TMEM114: variants seen among roughly 807,000 people sequenced by gnomAD.
TMEM114 encodes claudin-26.
TMEM114 carries 6 observed loss-of-function variants against 6.2 expected under a neutral mutation model. The observed-to-expected ratio is 0.97, with a 90% CI of 0.53 to 1.91. The LOEUF is 1.91. TMEM114 is among the 40% of genes most tolerant of loss of function. The pLI is 0.01. For missense variants in TMEM114, 218 were observed against 158.3 expected (o/e 1.38, Z -2.02); for synonymous variants, 104 against 73.0 (o/e 1.42, Z -2.16).
intron 2 of TMEM114, among the ~76,000 whole-genome samples, chr16:8,541,823 G>A (rs970705477): frequency 2.6e-5 from 4 of 152,176 alleles, no homozygotes; most frequent in Admixed American, 2.0e-4. Flanking sequence ...GAACTGGGAA[G>A]ATTCTAGAAT....
intron 2 of TMEM114, among the ~76,000 whole-genome samples, chr16:8,564,068 A>G (rs1178331126): frequency 6.7e-6 from 1 of 148,620 alleles, no homozygotes; most frequent in Non-Finnish European, 1.5e-5. Context: ...TAAATGAGTG[A>G]GTGAGTGCAT....
At chr16:8,553,813 C>T (rs1034030919) in intron 2 of TMEM114, among the ~76,000 whole-genome samples, 2 of 152,088 alleles carry the variant, frequency 1.3e-5, no homozygotes, top group Non-Finnish European at 2.9e-5. Context: ...TATCTTCCCA[C>T]CTCAGCCTCC....
At chr16:8,581,116 T>G (rs1176526115) in intron 2 of TMEM114, among the ~76,000 whole-genome samples, 1 of 152,168 alleles carries the variant, frequency 6.6e-6, no homozygotes, top group Non-Finnish European at 1.5e-5. Context: ...TCTTAAAATT[T>G]TGTTATATAC....
chr16:8,561,837 TGAG>T (rs1901216658), intron 2 of TMEM114, among the ~76,000 whole-genome samples: 1 of 149,424 alleles, frequency 6.7e-6, no homozygotes, highest in Non-Finnish European at 1.5e-5. Flanking sequence ...AGTGAGTGAA[TGAG>T]TGAGTGAATG....
chr16:8,528,687 T>C, the TMEM114 span, among the ~76,000 whole-genome samples: 3,069 of 152,266 alleles, frequency 0.02, 93 homozygotes, highest in African/African-American at 0.067. Context: ...TCAACATGAT[T>C]TACAAAATAA....
intron 2 of TMEM114, among the ~76,000 whole-genome samples, chr16:8,548,078 G>T (rs1442503554): frequency 6.6e-6 from 1 of 152,138 alleles, no homozygotes; most frequent in Non-Finnish European, 1.5e-5. Flanking sequence ...CACGCTCCTG[G>T]AACGGCTGCA....
chr16:8,587,282 A>G (rs1399833384), intron 2 of TMEM114, among the ~76,000 whole-genome samples: 3 of 152,198 alleles, frequency 2.0e-5, no homozygotes, highest in African/African-American at 7.2e-5. Flanking sequence ...TGCATTCACT[A>G]ACATGTTTGT....
chr16:8,565,033 A>ATGAGTGAGTGAATGAGTGAG (rs1191331275), downstream of TMEM114, among the ~76,000 whole-genome samples: 14 of 149,078 alleles, frequency 9.4e-5, no homozygotes, highest in African/African-American at 3.2e-4. Context: ...GAGTGAGTGA[A>ATGAGTGAGTGAATGAGTGAG]TGAGTGAGTG....
At chr16:8,553,449 T>C (rs982790564) in intron 2 of TMEM114, among the ~76,000 whole-genome samples, 2 of 152,046 alleles carry the variant, frequency 1.3e-5, no homozygotes, top group African/African-American at 4.8e-5. Flanking sequence ...CAGGCTGGAG[T>C]GCAGTGGCAC....
chr16:8,541,156 A>G (rs8047415), intron 2 of TMEM114, among the ~76,000 whole-genome samples: 2,020 of 152,298 alleles, frequency 0.013, 48 homozygotes, highest in African/African-American at 0.046. Context: ...ATTATATCAT[A>G]TCGTCTAAAC....
intron 2 of TMEM114, among the ~76,000 whole-genome samples, chr16:8,540,594 T>C (rs1317213925): frequency 1.5e-5 from 2 of 134,672 alleles, no homozygotes; most frequent in Non-Finnish European, 3.2e-5. Context: ...ACTTGGGAGT[T>C]GATAAGAACA....
intron 2 of TMEM114, among the ~76,000 whole-genome samples, chr16:8,552,607 G>C (rs572491407): frequency 1.3e-5 from 2 of 151,912 alleles, no homozygotes; most frequent in East Asian, 1.9e-4. Context: ...CAGTTATGTA[G>C]GATGTCACCA....
chr16:8,539,545 C>T (rs113833204), intron 2 of TMEM114, among the ~76,000 whole-genome samples: 23 of 152,246 alleles, frequency 1.5e-4, no homozygotes, highest in African/African-American at 5.5e-4. Flanking sequence ...CTCCCACGCT[C>T]CAATTCCCTT....
downstream of TMEM114, among the ~76,000 whole-genome samples, chr16:8,534,303 A>C (rs1224532187): frequency 6.6e-6 from 1 of 152,146 alleles, no homozygotes; most frequent in Non-Finnish European, 1.5e-5. Context: ...GCCAAAGACA[A>C]ACCAGTCCAT....
chr16:8,540,845 A>T (rs1383913245), intron 2 of TMEM114, among the ~76,000 whole-genome samples: 1 of 152,244 alleles, frequency 6.6e-6, no homozygotes, highest in Non-Finnish European at 1.5e-5. Flanking sequence ...AAGAGCTGAC[A>T]ACAGGAGGAC....
intron 2 of TMEM114, among the ~76,000 whole-genome samples, chr16:8,562,620 G>C (rs1478513804): frequency 6.6e-6 from 1 of 150,810 alleles, no homozygotes; most frequent in Non-Finnish European, 1.5e-5. Context: ...GAATGAGTGA[G>C]TGAGTGAATG....
intron 2 of TMEM114, among the ~76,000 whole-genome samples, chr16:8,560,358 T>G (rs947404033): frequency 2.0e-5 from 3 of 151,966 alleles, no homozygotes; most frequent in African/African-American, 7.3e-5. Context: ...TGTCCATCAG[T>G]GGGAGCGAGG....
chr16:8,561,856 G>GTGAGGGAATGAGTGAGTGAATGAA (rs1901219817), intron 2 of TMEM114, among the ~76,000 whole-genome samples: 1 of 27,068 alleles, frequency 3.7e-5, no homozygotes, highest in East Asian at 2.6e-3. Context: ...GAATGAATGA[G>GTGAGGGAATGAGTGAGTGAATGAA]TGAGTGAGGG....
chr16:8,558,534 C>T (rs1334025172), intron 2 of TMEM114, among the ~76,000 whole-genome samples: 2 of 152,148 alleles, frequency 1.3e-5, no homozygotes, highest in Admixed American at 6.5e-5. Context: ...GTAATTACAC[C>T]GGTAAAGACC....
Sources: allele counts gnomAD v4.1 joint callset (sites outside exome capture counted in the v4.1 genomes callset), GRCh38; gene constraint gnomAD v4.1.1; transcripts MANE v1.5; gene names NCBI Gene and HGNC (gene_info 2026-07-23, HGNC 2026-07-21).